Variants in STX8 observed in about 807,000 individuals in gnomAD.
STX8 encodes the protein syntaxin 8.
STX8 carries 23 observed loss-of-function variants against 37.5 expected under a neutral mutation model. The ratio of observed to expected loss-of-function variants is 0.61; its 90% CI spans 0.44 to 0.87. The LOEUF is 0.87. Ranked by LOEUF, STX8 falls within the 40% of genes least tolerant of loss-of-function variation. The pLI is 0.00. For missense variants in STX8, 313 were observed against 284.7 expected (o/e 1.10, Z -0.71); for synonymous variants, 115 against 99.1 (o/e 1.16, Z -0.95).
intron 7 of STX8, among the ~76,000 whole-genome samples, chr17:9,377,311 T>TG (rs1911631421): frequency 6.6e-6 from 1 of 152,062 alleles, no homozygotes; most frequent in Admixed American, 6.6e-5. Context: ...TTCTTTTTTT[T>TG]TTTTAAAGAC....
intron 4 of STX8, among the ~76,000 whole-genome samples, chr17:9,541,888 C>T (rs1027717296): frequency 2.0e-5 from 3 of 152,156 alleles, no homozygotes; most frequent in East Asian, 1.9e-4. Context: ...ATAGAGCAGT[C>T]GTTCTAACCC....
intron 7 of STX8, among the ~76,000 whole-genome samples, chr17:9,309,303 G>A (rs1040526336): frequency 2.6e-5 from 4 of 152,148 alleles, no homozygotes; most frequent in African/African-American, 9.7e-5. Context: ...GTGTTTTCAA[G>A]CCCTCTTCTT....
intron 6 of STX8, among the ~76,000 whole-genome samples, chr17:9,429,394 TA>T (rs1913762983): frequency 6.9e-6 from 1 of 144,542 alleles, no homozygotes; most frequent in Non-Finnish European, 1.5e-5. Flanking sequence ...ATTTATATAT[TA>T]TAAATATATA....
intron 7 of STX8, among the ~76,000 whole-genome samples, chr17:9,375,753 C>CAT (rs932349322): frequency 6.6e-6 from 1 of 152,122 alleles, no homozygotes; most frequent in African/African-American, 2.4e-5. Flanking sequence ...CACATACATA[C>CAT]ATATATATAT....
chr17:9,416,605 G>C (rs1280382021), intron 6 of STX8, among the ~76,000 whole-genome samples: 1 of 151,576 alleles, frequency 6.6e-6, no homozygotes, highest in East Asian at 1.9e-4. Flanking sequence ...CTGACCTCGT[G>C]ATCTGCCCAC....
At chr17:9,413,875 TATCGATCCATCC>T (rs1228037610) in intron 6 of STX8, among the ~76,000 whole-genome samples, 3 of 150,750 alleles carry the variant, frequency 2.0e-5, no homozygotes, top group African/African-American at 7.3e-5. Context: ...TGTATGCATC[TATCGATCCATCC>T]ATCGATCCAT....
At chr17:9,490,545 G>T (rs1429978674) in intron 6 of STX8, among the ~76,000 whole-genome samples, 7 of 151,868 alleles carry the variant, frequency 4.6e-5, no homozygotes, top group African/African-American at 1.7e-4. Flanking sequence ...CTAATTTTTT[G>T]TATTTTTAGT....
At chr17:9,365,697 C>T (rs561528592) in intron 7 of STX8, among the ~76,000 whole-genome samples, 96 of 152,306 alleles carry the variant, frequency 6.3e-4, no homozygotes, top group Admixed American at 1.1e-3. Context: ...AGGGGGGCCA[C>T]GTGAGGTGGC....
chr17:9,357,364 G>A (rs909259321), intron 7 of STX8, among the ~76,000 whole-genome samples: 6 of 152,006 alleles, frequency 3.9e-5, no homozygotes, highest in African/African-American at 9.7e-5. Context: ...CCCAACTGAC[G>A]GAACCTCTCT....
At chr17:9,374,563 T>C (rs1911521154) in intron 7 of STX8, among the ~76,000 whole-genome samples, 1 of 152,148 alleles carries the variant, frequency 6.6e-6, no homozygotes, top group South Asian at 2.1e-4. Flanking sequence ...GACCACATGC[T>C]GACCTTCATC....
At chr17:9,327,289 GAAGAAGAAGAAAGA>G (rs1323822302) in intron 7 of STX8, among the ~76,000 whole-genome samples, 2 of 146,850 alleles carry the variant, frequency 1.4e-5, no homozygotes, top group East Asian at 3.9e-4. Flanking sequence ...AAGGAAGAAA[GAAGAAGAAGAAAGA>G]AAGAAGAAGA....
At chr17:9,349,321 TTTTTTTTTTTTTTTTTG>T (rs1482000155) in intron 7 of STX8, among the ~76,000 whole-genome samples, 1 of 144,546 alleles carries the variant, frequency 6.9e-6, no homozygotes, top group Non-Finnish European at 1.5e-5. Context: ...CTTTTCTTTT[TTTTTTTTTTTTTTTTTG>T]AAACAGAGTT....
chr17:9,446,623 G>C (rs77410710), intron 6 of STX8, among the ~76,000 whole-genome samples: 3 of 152,322 alleles, frequency 2.0e-5, no homozygotes, highest in Admixed American at 1.3e-4. Flanking sequence ...AGTAGTTAAT[G>C]ATGAGGAGAA....
intron 6 of STX8, among the ~76,000 whole-genome samples, chr17:9,485,662 T>TG (rs1906561449): frequency 6.6e-6 from 1 of 151,180 alleles, no homozygotes; most frequent in African/African-American, 2.5e-5. Flanking sequence ...CTCAGCTCAC[T>TG]GCAACCTCCA....
intron 6 of STX8, among the ~76,000 whole-genome samples, chr17:9,379,509 T>A (rs60276275): frequency 0.011 from 1,639 of 152,232 alleles, 32 homozygotes; most frequent in African/African-American, 0.036. Flanking sequence ...GGAAGGAAGG[T>A]GAAAAGAAAT....
At chr17:9,503,371 T>C (rs1904694538) in intron 5 of STX8, among the ~76,000 whole-genome samples, 1 of 152,094 alleles carries the variant, frequency 6.6e-6, no homozygotes, top group African/African-American at 2.4e-5. Flanking sequence ...GGAATAACAA[T>C]TAGGTTCATT....
intron 6 of STX8, chr17:9,452,202 A>G (rs1396805357): frequency 2.7e-5 from 4 of 149,576 alleles, no homozygotes; most frequent in African/African-American, 4.9e-5. Flanking sequence ...AGTACCTGAC[A>G]GCTTCTTGGT....
At chr17:9,536,979 C>T (rs1237581906) in intron 4 of STX8, among the ~76,000 whole-genome samples, 2 of 152,110 alleles carry the variant, frequency 1.3e-5, no homozygotes, top group African/African-American at 4.8e-5. Flanking sequence ...AACCCCTGAC[C>T]TCGTGATCCA....
chr17:9,372,119 G>T lies in STX8; in HGVS notation c.643+6433C>A, dbSNP rs115895400. 4.6e-3 allele frequency among the ~76,000 whole-genome samples: 697 copies of T among 152,280 alleles called. 1 individual carries two copies. The highest frequency in any genetic ancestry group is 0.016 in the African/African-American group (668 of 41,558). On this transcript the variant is annotated intron_variant, in intron 7 of 7. Coordinates refer to ENST00000306357, the MANE Select transcript of STX8 (RefSeq NM_004853.3). ...GAGTCTGCCTCAAACCAAATTCATG[G>T]TATGATGTTTCCCGGTCTACCCTGA...
Sources: allele counts gnomAD v4.1 joint callset (sites outside exome capture counted in the v4.1 genomes callset), GRCh38; gene constraint gnomAD v4.1.1; transcripts MANE v1.5; gene names NCBI Gene and HGNC (gene_info 2026-07-23, HGNC 2026-07-21).